The following GTF2IRD2 variants were observed in gnomAD, a reference collection of about 807,000 sequenced individuals.
The protein encoded by GTF2IRD2 is general transcription factor II-I repeat domain-containing protein 2A.
In GTF2IRD2, 8 loss-of-function variants were observed where a neutral mutation model predicts 49.2. That is an observed-to-expected ratio of 0.16 (90% confidence interval 0.10 to 0.29). The LOEUF (loss-of-function observed/expected upper bound fraction) is 0.29. GTF2IRD2 is among the 10% of genes least tolerant of loss of function. The pLI is 1.00. For missense variants in GTF2IRD2, 130 were observed against 725.7 expected (o/e 0.18, Z 9.43); for synonymous variants, 47 against 289.7 (o/e 0.16, Z 8.51).
chr7:74,822,830 T>A (rs782552250), intron 4 of GTF2IRD2, 23 bp from the exon 5 acceptor site: 1 of 1,549,132 alleles, frequency 6.5e-7, no homozygotes, highest in South Asian at 1.2e-5. Context: ...GCAAACGTCT[T>A]TGGATGGTGT....
At chr7:74,848,837 A>AG (rs1801486372) in intron 1 of GTF2IRD2, among the ~76,000 whole-genome samples, 1 of 68,532 alleles carries the variant, frequency 1.5e-5, no homozygotes, top group African/African-American at 6.9e-5. Context: ...CTGTCTTAAA[A>AG]AAAAAATAAA....
chr7:74,827,939 C>G (rs1422409823), intron 3 of GTF2IRD2, among the ~76,000 whole-genome samples: 3 of 33,000 alleles, frequency 9.1e-5, no homozygotes, highest in Admixed American at 3.8e-4. Context: ...TCCTGCCTCT[C>G]CCTCCCGAGT....
In GTF2IRD2 at chr7:74,822,345, C is replaced by T. The variant is rs1445772970; in HGVS notation, c.571+82G>A. 22 of 663,470 alleles carry T rather than the reference C, an allele frequency of 3.3e-5. 1 individual carries two copies. The highest frequency in any genetic ancestry group is 2.5e-4 in the Admixed American group (10 of 40,478). 41.1% of individuals were successfully genotyped at this position (663,470 alleles called of 1,614,324 possible). A position where few individuals can be genotyped will look rare whatever the true frequency, so the allele number is the denominator to read the frequency against. On this transcript the variant is annotated intron_variant, in intron 6 of 15. Transcript: ENST00000451013. ...GATTACAGGTGTGAGCCATCACGCC[C>T]GGCCCCCAATTCAAGTTTTAATGAA...
chr7:74,825,193 A>T, intron 3 of GTF2IRD2, 141 bp from the exon 4 acceptor site: 1 of 531,046 alleles, frequency 1.9e-6, no homozygotes, highest in South Asian at 2.5e-5. Context: ...AAACAAGAAA[A>T]AATTGTATTT....
At chr7:74,813,372 C>A in intron 8 of GTF2IRD2, among the ~76,000 whole-genome samples, 1 of 17,890 alleles carries the variant, frequency 5.6e-5, no homozygotes, top group Non-Finnish European at 9.1e-5. Context: ...AGCGAGACTC[C>A]ATCTCAAAAA....
intron 1 of GTF2IRD2, among the ~76,000 whole-genome samples, chr7:74,836,715 G>A (rs1404655890): frequency 3.9e-5 from 6 of 152,250 alleles, no homozygotes; most frequent in Admixed American, 2.0e-4. Context: ...ACAGGTGAGC[G>A]CCATCACGCC....
rs151267874 is a variant in GTF2IRD2 at position 74,825,961 on chromosome 7, C to T, written c.239-909G>A. Among the ~76,000 whole-genome samples the T allele has an allele frequency of 4.5e-4, 68 of 151,854 alleles. 1 individual carries two copies. The East Asian group carries it at 0.012, about 26-fold the overall frequency. ...GACTACAGCTGCCTGCCACCACGCC[C>T]GGCTAATTTTTTGTATTTTTTAGTA... On this transcript the variant is annotated intron_variant, in intron 3 of 15. Transcript: ENST00000451013.
At chr7:74,842,231 CTTTTTTTT>C (rs71267867) in intron 1 of GTF2IRD2, among the ~76,000 whole-genome samples, 1 of 121,904 alleles carries the variant, frequency 8.2e-6, no homozygotes. Context: ...TTTTAATTTT[CTTTTTTTT>C]TTTTTTTTGA....
chr7:74,800,122 T>C (rs1467132809), intron 15 of GTF2IRD2, among the ~76,000 whole-genome samples: 2 of 128,326 alleles, frequency 1.6e-5, no homozygotes, highest in Non-Finnish European at 3.2e-5. Context: ...TAAATAAAGA[T>C]ATTATAAAAG....
intron 6 of GTF2IRD2, chr7:74,821,797 G>A (rs1798896584): frequency 1.3e-5 from 1 of 79,008 alleles, no homozygotes; most frequent in African/African-American, 6.8e-5. Flanking sequence ...CAAGTGATCT[G>A]CCCACCTCTG....
At chr7:74,842,163 T>C (rs1800892190) in intron 1 of GTF2IRD2, among the ~76,000 whole-genome samples, 3 of 110,668 alleles carry the variant, frequency 2.7e-5, no homozygotes, top group Admixed American at 9.5e-5. Context: ...ACTGTGATGA[T>C]AGTTGTACAA....
chr7:74,831,127 G>T (rs1554420324), intron 3 of GTF2IRD2, among the ~76,000 whole-genome samples: 2 of 150,812 alleles, frequency 1.3e-5, no homozygotes, highest in Non-Finnish European at 3.0e-5. Flanking sequence ...CTGTCTTTTT[G>T]ATAGTGGAGA....
chr7:74,799,971 T>C (rs2527359), intron 15 of GTF2IRD2, among the ~76,000 whole-genome samples: 1 of 124,112 alleles, frequency 8.1e-6, no homozygotes, highest in Non-Finnish European at 1.7e-5. Flanking sequence ...GCTGTCCCAG[T>C]TACTCGGGAG....
chr7:74,831,286 CATCT>C (rs1331827389), intron 3 of GTF2IRD2, among the ~76,000 whole-genome samples: 3 of 149,964 alleles, frequency 2.0e-5, no homozygotes, highest in Admixed American at 1.3e-4. Context: ...TCTATCCATC[CATCT>C]AAGCTATCTA....
chr7:74,806,771 G>GT (rs2131654157), intron 12 of GTF2IRD2, among the ~76,000 whole-genome samples, 163 bp downstream of exon 12: 1 of 132,274 alleles, frequency 7.6e-6, no homozygotes, highest in East Asian at 2.3e-4. Context: ...TGTCTGATGT[G>GT]AGCAAGATGC....
intron 2 of GTF2IRD2, 112 bp downstream of exon 2, chr7:74,836,168 C>T: frequency 7.3e-7 from 1 of 1,368,038 alleles, no homozygotes; most frequent in Non-Finnish European, 1.0e-6. Flanking sequence ...GAGACTCTGT[C>T]TTAAAAAAAA....
At chr7:74,840,882 CTG>C (rs1800763532) in intron 1 of GTF2IRD2, among the ~76,000 whole-genome samples, 1 of 126,662 alleles carries the variant, frequency 7.9e-6, no homozygotes, top group Admixed American at 8.0e-5. Flanking sequence ...AGGTCTTACT[CTG>C]TCACCCAGGC....
chr7:74,843,076 T>A (rs1554422075), intron 1 of GTF2IRD2, among the ~76,000 whole-genome samples: 1 of 42,566 alleles, frequency 2.3e-5, no homozygotes, highest in Non-Finnish European at 4.3e-5. Flanking sequence ...CAGGCTTGGG[T>A]CAACATGCCT....
rs1447049439 is a variant in GTF2IRD2, at chr7:74,835,975, ACT to A, written c.99+303_99+304del. The stretch of plus-strand genomic sequence containing the variant: ...ACTCCAGCCTGGGCAGCAGAGCAAG[ACT>A]CTGTCTCAAAAAAAAAAAACAAAAA... On this transcript the variant is annotated intron_variant, in intron 2 of 15. Transcript: ENST00000451013. Among the ~76,000 whole-genome samples, 2 of 125,148 alleles carry A rather than the reference ACT, an allele frequency of 1.6e-5. 1 individual carries two copies. The highest frequency in any genetic ancestry group is 9.0e-5 in the African/African-American group (2 of 22,150). 82.1% of individuals were successfully genotyped at this position (125,148 alleles called of 152,430 possible).
Sources: gnomAD v4.1 joint callset for allele counts (sites outside exome capture counted in the v4.1 genomes callset) on GRCh38, gnomAD v4.1.1 for gene constraint, MANE v1.5 for transcripts, NCBI Gene and HGNC (gene_info 2026-07-23, HGNC 2026-07-21) for gene names.